The following DST variants were observed in gnomAD, a reference collection of about 807,000 sequenced individuals.
The protein encoded by DST is bullous pemphigoid antigen.
DST carries 253 observed loss-of-function variants against 875.2 expected under a neutral mutation model. The ratio of observed to expected loss-of-function variants is 0.29; its 90% CI spans 0.26 to 0.32. DST has a LOEUF of 0.32. Among genes scored for constraint, DST ranks in the 10% least tolerant of loss-of-function variants. The probability of loss-of-function intolerance (pLI) is 1.00; values close to 1 mark genes in which losing one functional copy is unlikely to be tolerated. For synonymous variants in DST, 3,124 were observed against 3,197.1 expected (o/e 0.98, Z 0.77); for missense variants, 8,287 against 9,111.6 (o/e 0.91, Z 3.68).
intron 5 of DST, among the ~76,000 whole-genome samples, chr6:56,707,134 C>T (rs1449673433): frequency 6.6e-6 from 1 of 152,208 alleles, no homozygotes; most frequent in African/African-American, 2.4e-5. Flanking sequence ...CTGTGCAGGC[C>T]ACTTCCTAAC....
At chr6:56,633,148 T>G in intron 27 of DST, 111 bp from the exon 28 acceptor site, 1 of 847,020 alleles carries the variant, frequency 1.2e-6, no homozygotes, top group Non-Finnish European at 2.0e-6. Context: ...TAATCATAAA[T>G]AGGAACATTT....
At position 56,604,070 on chromosome 6, in the gene DST, C is replaced by G; in HGVS notation, c.10558G>C (p.Glu3520Gln). 5.1e-6 allele frequency: 8 copies of G among 1,583,278 alleles called. No homozygotes were observed. The highest frequency in any genetic ancestry group is 6.9e-6 in the Non-Finnish European group (8 of 1,162,356). The part of the protein sequence containing the change: ...DFNQKACSTS[E>Q]MMEEKPHILG... The stretch of plus-strand genomic sequence containing the variant: ...ATATGTGGCTTTTCTTCCATCATCT[C>G]AGATGTAGAACATGCTTTTTGATTA... Residue 3520 changes from glutamate (E) to glutamine (Q), a missense_variant, in exon 40 of 104, where the codon GAG becomes CAG. Coordinates refer to ENST00000680361, the MANE Select transcript of DST (RefSeq NM_001374736.1).
At chr6:56,823,583 G>C (rs1310925701) in intron 4 of DST, among the ~76,000 whole-genome samples, 1 of 151,958 alleles carries the variant, frequency 6.6e-6, no homozygotes, top group African/African-American at 2.4e-5. Flanking sequence ...GCTCATTTTT[G>C]TATTTTTATT....
intron 2 of DST, among the ~76,000 whole-genome samples, chr6:56,951,707 G>A (rs1822421623): frequency 6.6e-6 from 1 of 152,044 alleles, no homozygotes; most frequent in South Asian, 2.1e-4. Flanking sequence ...CTTGCTGATG[G>A]GTAGCCCATC....
At chr6:56,864,615 C>G (rs540586658) in intron 3 of DST, among the ~76,000 whole-genome samples, 1 of 151,970 alleles carries the variant, frequency 6.6e-6, no homozygotes, top group Non-Finnish European at 1.5e-5. Flanking sequence ...TTAACTTGCT[C>G]GTATTCTAAA....
In DST at chr6:56,560,415, C is replaced by A. The variant is rs1292617529; in HGVS notation, c.14319G>T (p.Glu4773Asp). ...KTQVEQNKSF[E>D]AELKQNVNKV... ...TGTTTACATTCTGCTTCAGTTCTGCCTCAAACGACTAACAAGGGAAAAATA... is the reference window on the plus strand; with the variant it reads ...TGTTTACATTCTGCTTCAGTTCTGCATCAAACGACTAACAAGGGAAAAATA... The change falls in exon 58 of 104, where the codon GAG (glutamate) becomes GAT (aspartate). Residue 4773 changes from glutamate to aspartate, a missense_variant. Glu to Asp is a conservative substitution (Grantham distance 45). Around this residue, in one of 10 missense-constraint regions of DST, gnomAD observed 1,513 missense variants for 1,677.8 expected, o/e 0.90. Transcript: ENST00000680361. The A allele has an allele frequency of 1.3e-6, 2 of 1,595,632 alleles. No homozygotes were observed. Among genetic ancestry groups the A allele is most frequent in the Non-Finnish European group, 1.7e-6 (2 of 1,169,502 alleles).
rs770964446 is a variant in DST, at chr6:56,527,613, C to G, written c.17802G>C (p.Arg5934=). ...TLEQALQLAR[R]LHSTHEELCT... ...ACAGCTCTTCGTGTGTGGAGTGCAG[C>G]CGCCTTGCAAGCTGCAGCGCCTGTT... is the stretch of plus-strand genomic sequence containing the variant. Residue 5934 remains arginine, a synonymous_variant, in exon 68 of 104, where the codon CGG becomes CGC. Coordinates refer to ENST00000680361, the MANE Select transcript of DST (RefSeq NM_001374736.1). The G allele has an allele frequency of 1.2e-6, 2 of 1,613,832 alleles. No individual in the cohort carries two copies. Among genetic ancestry groups the G allele is most frequent in the Non-Finnish European group, 1.7e-6 (2 of 1,179,844 alleles).
At chr6:56,689,504 G>A (rs1189116686) in intron 9 of DST, among the ~76,000 whole-genome samples, 1 of 152,106 alleles carries the variant, frequency 6.6e-6, no homozygotes, top group Non-Finnish European at 1.5e-5. Flanking sequence ...ATACAATACT[G>A]TCTCATGACA....
At chr6:56,827,314 G>C (rs2099781787) in intron 4 of DST, among the ~76,000 whole-genome samples, 3 of 152,076 alleles carry the variant, frequency 2.0e-5, no homozygotes, top group African/African-American at 7.2e-5. Context: ...AAGAGTTTGA[G>C]ACCAGCCTGA....
At chr6:56,904,149 T>C (rs1027707557) in intron 2 of DST, among the ~76,000 whole-genome samples, 1 of 152,220 alleles carries the variant, frequency 6.6e-6, no homozygotes, top group African/African-American at 2.4e-5. Context: ...ATATTACTTG[T>C]GTGAATAAAA....
chr6:56,758,630 C>A (rs2099609878), intron 4 of DST, among the ~76,000 whole-genome samples: 1 of 152,218 alleles, frequency 6.6e-6, no homozygotes, highest in Non-Finnish European at 1.5e-5. Flanking sequence ...CTGGAATCAT[C>A]TGGAGGCATC....
chr6:56,876,040 C>T (rs2127622061), intron 3 of DST, among the ~76,000 whole-genome samples: 1 of 152,224 alleles, frequency 6.6e-6, no homozygotes, highest in South Asian at 2.1e-4. Context: ...GCTCTCTATA[C>T]CTCTGCACCT....
chr6:56,810,410 T>TAACATACC (rs973699728), intron 4 of DST, among the ~76,000 whole-genome samples: 1 of 152,232 alleles, frequency 6.6e-6, no homozygotes, highest in Non-Finnish European at 1.5e-5. Flanking sequence ...CAGTTATTCA[T>TAACATACC]AACATACCCA....
chr6:56,613,421 C>G (rs1038782753), intron 37 of DST, among the ~76,000 whole-genome samples: 2 of 152,122 alleles, frequency 1.3e-5, no homozygotes, highest in African/African-American at 4.8e-5. Flanking sequence ...TAAGACAAGG[C>G]ACTGGTGTTC....
chr6:56,618,479 T>C lies in DST; in HGVS notation c.4930-3995A>G, dbSNP rs1041781249. ...TAATTGATGTTCATGCTCTTTGATC[T>C]GTTGGTCCATTTTTTGCTTCAGGTT... On this transcript the variant is annotated intron_variant, in intron 36 of 103. Coordinates refer to ENST00000680361, the MANE Select transcript of DST (RefSeq NM_001374736.1). 31 of 1,614,110 alleles carry C rather than the reference T, an allele frequency of 1.9e-5. No individual in the cohort carries two copies. The highest frequency in any genetic ancestry group is 2.6e-5 in the Non-Finnish European group (31 of 1,180,052).
intron 21 of DST, 24 bp downstream of exon 21, chr6:56,639,426 T>A (rs1350198420): frequency 1.2e-6 from 2 of 1,613,410 alleles, no homozygotes; most frequent in Non-Finnish European, 1.7e-6. Context: ...AACCCTAGTA[T>A]GCAAGTACAA....
chr6:56,573,070 A>G lies in DST; in HGVS notation c.13237-6T>C. ...GCAATATCCTGTTCCAACATCTAAA[A>G]TAAACCAAATATTGCATATCTTTTA... On this transcript the variant is annotated splice_polypyrimidine_tract_variant and splice_region_variant and intron_variant, in intron 51 of 103. Coordinates refer to ENST00000680361, the MANE Select transcript of DST (RefSeq NM_001374736.1). 4 of 1,523,392 alleles carry G rather than the reference A, an allele frequency of 2.6e-6. No homozygotes were observed. The highest frequency in any genetic ancestry group is 2.6e-6 in the Non-Finnish European group (3 of 1,137,640). The allele number at this position is 1,523,392 out of a possible 1,614,324, so 94.4% of individuals were successfully genotyped here.
chr6:56,546,359 T>TATATATATATTTC (rs1203132852), intron 61 of DST, among the ~76,000 whole-genome samples: 9 of 113,022 alleles, frequency 8.0e-5, no homozygotes, highest in African/African-American at 3.2e-4. Flanking sequence ...TATATATATA[T>TATATATATATTTC]ATATATATAT....
chr6:56,495,442 A>G (rs1191901426), intron 82 of DST, among the ~76,000 whole-genome samples: 1 of 152,012 alleles, frequency 6.6e-6, no homozygotes, highest in Non-Finnish European at 1.5e-5. Context: ...AAGTATTCTT[A>G]AAGGTAGGTT....
Sources: allele counts gnomAD v4.1 joint callset (sites outside exome capture counted in the v4.1 genomes callset), GRCh38; gene constraint gnomAD v4.1.1; regional missense constraint gnomAD v4.1.1; transcripts MANE v1.5; gene names NCBI Gene and HGNC (gene_info 2026-07-23, HGNC 2026-07-21).